ANKFN1: variants seen among roughly 807,000 people sequenced by gnomAD.
The protein encoded by ANKFN1 is ankyrin repeat and fibronectin type III domain containing 1, also known as ankyrin repeat and fibronectin type-III domain-containing protein 1.
ANKFN1 carries 74 observed loss-of-function variants against 108.7 expected under a neutral mutation model. The observed-to-expected ratio is 0.68, with a 90% confidence interval of 0.56 to 0.83. The LOEUF is 0.83. Ranked by LOEUF, ANKFN1 falls within the 40% of genes least tolerant of loss-of-function variation. The pLI is 0.00. For missense variants in ANKFN1, 1,505 were observed against 1,382.3 expected, an observed-to-expected ratio of 1.09 and a Z score of -1.41; for synonymous variants, 547 against 516.2, an observed-to-expected ratio of 1.06 and a Z score of -0.81.
intron 3 of ANKFN1, among the ~76,000 whole-genome samples, chr17:56,310,928 C>T (rs34897281): frequency 0.1 from 15,785 of 152,144 alleles, 869 homozygotes; most frequent in East Asian, 0.15. Flanking sequence ...CATTTCCTCC[C>T]CCTGCCCCCA....
chr17:56,220,537 G>A (rs1221144987), intron 2 of ANKFN1, among the ~76,000 whole-genome samples: 2 of 152,006 alleles, frequency 1.3e-5, no homozygotes, highest in Non-Finnish European at 2.9e-5. Flanking sequence ...GGGCATGTCT[G>A]TAGTCCCAGC....
At chr17:56,464,040 T>A (rs1164820581) in intron 14 of ANKFN1, 1 of 152,204 alleles carries the variant, frequency 6.6e-6, no homozygotes, top group East Asian at 1.9e-4. Flanking sequence ...ATGACAGGTA[T>A]TAACATGGTC....
intron 4 of ANKFN1, among the ~76,000 whole-genome samples, chr17:56,145,450 T>C (rs1217524984): frequency 6.6e-6 from 1 of 152,166 alleles, no homozygotes; most frequent in Non-Finnish European, 1.5e-5. Context: ...CTTACAATCA[T>C]GGCAGAAGGC....
At chr17:56,100,010 C>T (rs373012961) in intron 4 of ANKFN1, among the ~76,000 whole-genome samples, 36 of 152,064 alleles carry the variant, frequency 2.4e-4, no homozygotes, top group East Asian at 1.2e-3. Context: ...AAGGAAGAGA[C>T]GAAACTCTAA....
chr17:56,510,188 G>A (rs1462438661), intron 20 of ANKFN1, among the ~76,000 whole-genome samples: 1 of 152,152 alleles, frequency 6.6e-6, no homozygotes, highest in Non-Finnish European at 1.5e-5. Flanking sequence ...GGGAAATGAG[G>A]GAAGGTTCCT....
At position 56,467,759 on chromosome 17, in the gene ANKFN1, G is replaced by GAAAC. The variant is rs1347438751; in HGVS notation, c.1773+1191_1773+1192insCAAA. On this transcript the variant is annotated intron_variant, in intron 15 of 20. Coordinates refer to ENST00000682825, the MANE Select transcript of ANKFN1 (RefSeq NM_001370326.1). ...AGAAAGAAACAAAGAAAGAAAGAAA[G>GAAAC]AAAGAAAGAAAGAAAGAAAGAAAGA... Among the ~76,000 whole-genome samples the GAAAC allele has an allele frequency of 1.6e-3, 45 of 27,404 alleles. 1 individual carries two copies. The highest frequency in any genetic ancestry group is 6.0e-3 in the African/African-American group (42 of 6,962). The allele number at this position is 27,404 out of a possible 152,430, so 18.0% of individuals were successfully genotyped here.
intron 4 of ANKFN1, among the ~76,000 whole-genome samples, chr17:56,134,029 A>G (rs1312842030): frequency 2.0e-5 from 3 of 152,166 alleles, no homozygotes; most frequent in Non-Finnish European, 2.9e-5. Flanking sequence ...TACCTATACT[A>G]TACAAGTATA....
intron 4 of ANKFN1, among the ~76,000 whole-genome samples, chr17:56,334,631 A>C (rs1166549018): frequency 3.3e-5 from 5 of 152,164 alleles, no homozygotes; most frequent in Non-Finnish European, 7.4e-5. Flanking sequence ...ACTACTATTA[A>C]CATGAGGAAT....
rs1011009200 is a variant in ANKFN1, at chr17:56,498,969, A to G, written c.2515A>G (p.Ile839Val). Residue 839 changes from isoleucine (I) to valine (V), a missense_variant, in exon 20 of 21, where the codon ATC becomes GTC. Ile to Val is a conservative substitution (Grantham distance 29, BLOSUM62 3). Transcript: ENST00000682825. ...CAAACAACCAGTTTCTGGCTTGCCC[A>G]TCACTAAGCTGATAGACCCCTCAGA... is the stretch of plus-strand genomic sequence containing the variant. ...RYKQPVSGLPITKLIDPSDEQ... is the reference protein window; with the variant it reads ...RYKQPVSGLPVTKLIDPSDEQ... 3.1e-5 allele frequency: 48 copies of G among 1,535,686 alleles called. No homozygotes were observed. Among genetic ancestry groups the G allele is most frequent in the Non-Finnish European group, 3.7e-5 (42 of 1,146,654 alleles).
In ANKFN1 at chr17:56,374,449, G is replaced by A. The variant is rs1049138353; in HGVS notation, c.797-152G>A. 49 of 613,900 alleles carry A rather than the reference G, an allele frequency of 8.0e-5. No homozygotes were observed. In the East Asian group the frequency reaches 9.3e-4, roughly 12 times the overall value. The allele number at this position is 613,900 out of a possible 1,614,324, so 38.0% of individuals were successfully genotyped here. A position where few individuals can be genotyped will look rare whatever the true frequency, so the allele number is the denominator to read the frequency against. On this transcript the variant is annotated intron_variant, in intron 7 of 20. Coordinates refer to ENST00000682825, the MANE Select transcript of ANKFN1 (RefSeq NM_001370326.1). ...GGCAACAAATAAAAGCCATTGAGAC[G>A]TCTAATGAAAATGTTCAAAAGCGAA...
intron 8 of ANKFN1, among the ~76,000 whole-genome samples, chr17:56,432,858 C>T (rs1342307139): frequency 6.6e-6 from 1 of 152,186 alleles, no homozygotes; most frequent in Non-Finnish European, 1.5e-5. Flanking sequence ...AAGAAGTCTA[C>T]ACCCCTCAGA....
intron 4 of ANKFN1, among the ~76,000 whole-genome samples, chr17:56,119,537 G>T (rs1237763307): frequency 1.3e-5 from 2 of 152,124 alleles, no homozygotes; most frequent in Non-Finnish European, 2.9e-5. Flanking sequence ...GCTTGGTAGA[G>T]AAGAATCTGG....
At chr17:56,488,765 A>C (rs1245763614) in intron 18 of ANKFN1, among the ~76,000 whole-genome samples, 1 of 152,230 alleles carries the variant, frequency 6.6e-6, no homozygotes, top group Non-Finnish European at 1.5e-5. Context: ...TTGGCTTCCA[A>C]ACTAGGCCAC....
chr17:56,108,885 A>G (rs2143242830), intron 4 of ANKFN1, among the ~76,000 whole-genome samples: 1 of 152,380 alleles, frequency 6.6e-6, no homozygotes, highest in Non-Finnish European at 1.5e-5. Context: ...CAGGTATCAG[A>G]TAAATAGGAG....
chr17:56,365,252 T>C (rs1480381604), intron 6 of ANKFN1, among the ~76,000 whole-genome samples: 1 of 152,172 alleles, frequency 6.6e-6, no homozygotes, highest in East Asian at 1.9e-4. Context: ...CTTGCTAGTG[T>C]ATATTTCTGA....
upstream of ANKFN1, among the ~76,000 whole-genome samples, chr17:56,152,509 G>A (rs1392048792): frequency 2.0e-5 from 3 of 151,922 alleles, no homozygotes; most frequent in Non-Finnish European, 4.4e-5. Flanking sequence ...CATGATCAAG[G>A]GTAATGGGGC....
chr17:56,049,990 T>C (rs1011433392), intron 4 of ANKFN1, among the ~76,000 whole-genome samples: 62 of 152,340 alleles, frequency 4.1e-4, no homozygotes, highest in African/African-American at 1.4e-3. Context: ...ATGGTTGAAC[T>C]AGTTTACAAT....
At chr17:56,384,413 T>A (rs2047199419) in intron 8 of ANKFN1, among the ~76,000 whole-genome samples, 1 of 152,176 alleles carries the variant, frequency 6.6e-6, no homozygotes, top group South Asian at 2.1e-4. Flanking sequence ...CTTTGAAAAC[T>A]GGCACAAGAC....
intron 4 of ANKFN1, among the ~76,000 whole-genome samples, chr17:56,136,703 C>A (rs1907618589): frequency 6.6e-6 from 1 of 152,142 alleles, no homozygotes; most frequent in Non-Finnish European, 1.5e-5. Flanking sequence ...ATAGAGGGGA[C>A]AAACAGTTGA....
Sources: gnomAD v4.1 joint callset for allele counts (sites outside exome capture counted in the v4.1 genomes callset) on GRCh38, gnomAD v4.1.1 for gene constraint, MANE v1.5 for transcripts, NCBI Gene and HGNC (gene_info 2026-07-23, HGNC 2026-07-21) for gene names.